AFF3: variants seen among roughly 807,000 people sequenced by gnomAD.
The protein encoded by AFF3 is ALF transcription elongation factor 3, also known as AF4/FMR2 family member 3.
AFF3 carries 32 observed loss-of-function variants against 129.7 expected under a neutral mutation model. The observed-to-expected ratio is 0.25, with a 90% CI of 0.19 to 0.33. AFF3 has a LOEUF of 0.33. Among genes scored for constraint, AFF3 ranks in the 10% least tolerant of loss-of-function variants. AFF3 has a pLI of 1.00. For missense variants in AFF3, 1,373 were observed against 1,592.0 expected (o/e 0.86, Z 2.34); for synonymous variants, 644 against 635.4 (o/e 1.01, Z -0.20).
chr2:99,974,033 T>A (rs923551807), intron 7 of AFF3, among the ~76,000 whole-genome samples: 1 of 152,230 alleles, frequency 6.6e-6, no homozygotes, highest in Non-Finnish European at 1.5e-5. Context: ...CACCTGTGAT[T>A]TTCTGAGCTG....
Position 99,545,751 on chromosome 2 carries a change from C to T in AFF3, c.*5723G>A, listed in dbSNP as rs1674058267. On this transcript the variant is annotated 3_prime_UTR_variant, in exon 25 of 25. Transcript: ENST00000672756. ...AGATTTAATCCCTTGATTCCCATTA[C>T]TGTGAGTAAGAGCTGTGAACCTAAA... 5.7e-6 allele frequency: 1 copy of T among 174,320 alleles called. No individual in the cohort carries two copies. The highest frequency in any genetic ancestry group is 1.2e-5 in the Non-Finnish European group (1 of 80,758). 10.8% of individuals were successfully genotyped at this position (174,320 alleles called of 1,614,324 possible).
intron 7 of AFF3, among the ~76,000 whole-genome samples, chr2:99,917,095 C>T (rs1695523035): frequency 6.6e-6 from 1 of 152,150 alleles, no homozygotes; most frequent in East Asian, 1.9e-4. Context: ...GCAAATGGGG[C>T]AAGCTGGGTC....
At chr2:99,618,777 G>C (rs1046651797) in intron 13 of AFF3, among the ~76,000 whole-genome samples, 4 of 152,198 alleles carry the variant, frequency 2.6e-5, no homozygotes, top group African/African-American at 9.7e-5. Flanking sequence ...GAAAACGGAA[G>C]TGGTGTGTAC....
chr2:99,738,854 T>C (rs1680470251), intron 10 of AFF3, among the ~76,000 whole-genome samples: 1 of 152,106 alleles, frequency 6.6e-6, no homozygotes, highest in Non-Finnish European at 1.5e-5. Context: ...TATAAAGCAC[T>C]GTACTTTAGG....
At chr2:99,779,032 T>C (rs377423448) in intron 8 of AFF3, among the ~76,000 whole-genome samples, 15 of 152,248 alleles carry the variant, frequency 9.9e-5, no homozygotes, top group African/African-American at 3.1e-4. Context: ...TTTCTTTTCT[T>C]GCCTAATTGC....
rs1450730165 is a variant in AFF3, at chr2:99,583,812, CCTCCCGAGGA to C, written c.2592-823_2592-814del. 3.3e-5 allele frequency among the ~76,000 whole-genome samples: 5 copies of C among 152,246 alleles called. No homozygotes were observed. In the South Asian group the frequency reaches 8.3e-4, roughly 25 times the overall value. On this transcript the variant is annotated intron_variant, in intron 16 of 24. Coordinates refer to ENST00000672756, the MANE Select transcript of AFF3 (RefSeq NM_001386135.1). Reference sequence around the variant, plus strand: ...GGTTCAAGTGATTTTCCTGCCTCAGCCTCCCGAGGACTCCCGAGTAGCTGGGATTACAGGT... The same window carrying C: ...GGTTCAAGTGATTTTCCTGCCTCAGCCTCCCGAGTAGCTGGGATTACAGGT...
chr2:99,709,617 C>T (rs1677714401), intron 11 of AFF3, among the ~76,000 whole-genome samples: 1 of 152,162 alleles, frequency 6.6e-6, no homozygotes, highest in African/African-American at 2.4e-5. Flanking sequence ...AGAAACTTCT[C>T]TTTATTTTCA....
At chr2:99,827,343 C>A (rs1688167899) in intron 8 of AFF3, among the ~76,000 whole-genome samples, 8 of 152,082 alleles carry the variant, frequency 5.3e-5, no homozygotes, top group Admixed American at 5.2e-4. Flanking sequence ...GGAGAAAGGA[C>A]CACAAAGTGG....
At chr2:100,003,124 G>GGGGGGGGGGGGGGGTA (rs1681591360) in intron 7 of AFF3, among the ~76,000 whole-genome samples, 1 of 150,378 alleles carries the variant, frequency 6.6e-6, no homozygotes, top group African/African-American at 2.5e-5. Flanking sequence ...GGGTGGGGGT[G>GGGGGGGGGGGGGGGTA]GTACTGTGTT....
chr2:100,046,404 A>C (rs193138344), intron 4 of AFF3, among the ~76,000 whole-genome samples: 42 of 152,230 alleles, frequency 2.8e-4, no homozygotes, highest in Non-Finnish European at 5.1e-4. Flanking sequence ...ATAGTCAATA[A>C]GTGGTAGGTG....
intron 7 of AFF3, among the ~76,000 whole-genome samples, chr2:99,991,086 T>C (rs979996579): frequency 2.6e-5 from 4 of 152,116 alleles, no homozygotes; most frequent in Non-Finnish European, 4.4e-5. Flanking sequence ...AAAGATACCA[T>C]GCTGCTCACC....
At chr2:99,911,232 TG>T (rs1179424192) in intron 7 of AFF3, among the ~76,000 whole-genome samples, 1 of 152,028 alleles carries the variant, frequency 6.6e-6, no homozygotes, top group Non-Finnish European at 1.5e-5. Context: ...TTCATGATTT[TG>T]CATGATTAGC....
At chr2:99,840,964 C>T (rs1294121704) in intron 7 of AFF3, among the ~76,000 whole-genome samples, 1 of 152,192 alleles carries the variant, frequency 6.6e-6, no homozygotes, top group African/African-American at 2.4e-5. Flanking sequence ...TTTCCTACTG[C>T]ATAATATGCT....
At chr2:99,921,692 A>C (rs1200590297) in intron 7 of AFF3, among the ~76,000 whole-genome samples, 2 of 152,194 alleles carry the variant, frequency 1.3e-5, no homozygotes, top group Non-Finnish European at 1.5e-5. Flanking sequence ...ACAGAAAGGA[A>C]TAAATGTGAA....
rs76637352 is a variant in AFF3 at position 99,618,759 on chromosome 2, A to G, written c.1185-17138T>C. ...GGAATTGAAGAGATCAGCTAGTCCA[A>G]CTCCCCAGAAAACGGAAGTGGTGTG... On this transcript the variant is annotated intron_variant, in intron 13 of 24. Coordinates refer to ENST00000672756, the MANE Select transcript of AFF3 (RefSeq NM_001386135.1). Among the ~76,000 whole-genome samples, 688 of 152,234 alleles carry G rather than the reference A, an allele frequency of 4.5e-3. 9 individuals are homozygous for G. Among genetic ancestry groups the G allele is most frequent in the African/African-American group, 0.015 (607 of 41,542 alleles).
Position 100,104,513 on chromosome 2 carries a change from C to A in AFF3, c.-59G>T. On this transcript the variant is annotated 5_prime_UTR_variant, in exon 4 of 25. Coordinates refer to ENST00000672756, the MANE Select transcript of AFF3 (RefSeq NM_001386135.1). ...CGCCGCCGCCGAGGCTCGGGCCGCCCGCGCGCTGCAACGAAAGGCGCCGCT... is the reference window on the plus strand; with the variant it reads ...CGCCGCCGCCGAGGCTCGGGCCGCCAGCGCGCTGCAACGAAAGGCGCCGCT... 1.7e-5 allele frequency: 21 copies of A among 1,268,242 alleles called. No homozygotes were observed. The highest frequency in any genetic ancestry group is 2.0e-5 in the Non-Finnish European group (20 of 981,000). The allele number at this position is 1,268,242 out of a possible 1,614,324, so 78.6% of individuals were successfully genotyped here.
At chr2:100,084,793 G>A (rs2105373647) in intron 4 of AFF3, among the ~76,000 whole-genome samples, 1 of 151,808 alleles carries the variant, frequency 6.6e-6, no homozygotes, top group Non-Finnish European at 1.5e-5. Flanking sequence ...TATACACATT[G>A]GAGAAATAAA....
At chr2:100,006,089 T>G (rs903548519) in intron 7 of AFF3, 1 of 152,390 alleles carries the variant, frequency 6.6e-6, no homozygotes, top group Admixed American at 6.5e-5. Flanking sequence ...AACATTTGAA[T>G]AGTTCACCAT....
intron 4 of AFF3, among the ~76,000 whole-genome samples, chr2:100,054,344 T>C (rs1686596842): frequency 6.6e-6 from 1 of 152,284 alleles, no homozygotes; most frequent in Middle Eastern, 3.4e-3. Flanking sequence ...TGGATAGAAG[T>C]AACATTTCAA....
Sources: gnomAD v4.1 joint callset for allele counts (sites outside exome capture counted in the v4.1 genomes callset) on GRCh38, gnomAD v4.1.1 for gene constraint, MANE v1.5 for transcripts, NCBI Gene and HGNC (gene_info 2026-07-23, HGNC 2026-07-21) for gene names.